The following SDC1 variants were observed in gnomAD, a reference collection of about 807,000 sequenced individuals.
SDC1 encodes the protein syndecan 1.
Under a neutral mutation model 29.7 loss-of-function variants are expected in SDC1, and 14 were observed. The ratio of observed to expected loss-of-function variants is 0.47; its 90% CI spans 0.31 to 0.74. The LOEUF is 0.74. Ranked by LOEUF, SDC1 falls within the 30% of genes least tolerant of loss-of-function variation. SDC1 has a pLI of 0.05. For missense variants in SDC1, 406 were observed against 400.3 expected, an observed-to-expected ratio of 1.01 and a Z score of -0.12; for synonymous variants, 204 against 175.5, an observed-to-expected ratio of 1.16 and a Z score of -1.29.
chr2:20,213,630 T>C (rs1375504929), intron 1 of SDC1, among the ~76,000 whole-genome samples: 1 of 152,108 alleles, frequency 6.6e-6, no homozygotes, highest in East Asian at 1.9e-4. Context: ...CTGTCTGCCC[T>C]AAAGAGCCCA....
In SDC1 at chr2:20,202,404, A is replaced by T; in HGVS notation, c.*362T>A. ...CCAAGCCCCACCCGCAGGATCTTCCAGCCACATGAGGCCATTTAGGTCCAA... is the reference window on the plus strand; with the variant it reads ...CCAAGCCCCACCCGCAGGATCTTCCTGCCACATGAGGCCATTTAGGTCCAA... On this transcript the variant is annotated 3_prime_UTR_variant, in exon 5 of 5. Coordinates refer to ENST00000254351, the MANE Select transcript of SDC1 (RefSeq NM_002997.5). The T allele has an allele frequency of 1.5e-6, 1 of 684,400 alleles. No homozygotes were observed. The allele number at this position is 684,400 out of a possible 1,614,324, so 42.4% of individuals were successfully genotyped here. A position where few individuals can be genotyped will look rare whatever the true frequency, so the allele number is the denominator to read the frequency against.
chr2:20,216,686 T>C (rs912554834), intron 1 of SDC1, among the ~76,000 whole-genome samples: 1 of 152,136 alleles, frequency 6.6e-6, no homozygotes, highest in Admixed American at 6.6e-5. Context: ...CTGGTATTGG[T>C]AGCATGGGAA....
chr2:20,208,189 C>A, intron 1 of SDC1: 1 of 910,080 alleles, frequency 1.1e-6, no homozygotes, highest in African/African-American at 1.8e-5. Flanking sequence ...CTGGGAGACA[C>A]CGCCCAGTGA....
intron 1 of SDC1, among the ~76,000 whole-genome samples, chr2:20,222,460 G>C (rs772676225): frequency 2.6e-4 from 40 of 152,184 alleles, no homozygotes; most frequent in Non-Finnish European, 5.6e-4. Flanking sequence ...CTGGGAAAGA[G>C]AAAACAAACT....
At chr2:20,209,877 C>T (rs3821220) in intron 1 of SDC1, among the ~76,000 whole-genome samples, 2 of 152,076 alleles carry the variant, frequency 1.3e-5, no homozygotes, top group South Asian at 4.1e-4. Context: ...CAGACAGGTT[C>T]GACGGGGGGC....
intron 1 of SDC1, among the ~76,000 whole-genome samples, chr2:20,210,569 T>C (rs1052662029): frequency 3.3e-5 from 5 of 152,246 alleles, no homozygotes; most frequent in Non-Finnish European, 7.3e-5. Context: ...TCATTCGTGG[T>C]GGAGCAGGAA....
chr2:20,224,076 C>A lies in SDC1; in HGVS notation c.66+726G>T. 1 of 321,860 alleles carries A rather than the reference C, an allele frequency of 3.1e-6. No homozygotes were observed. The highest frequency in any genetic ancestry group is 6.4e-6 in the Non-Finnish European group (1 of 157,140). The allele number at this position is 321,860 out of a possible 1,614,324, so 19.9% of individuals were successfully genotyped here. The stretch of plus-strand genomic sequence containing the variant: ...GCCTCGGCCGTGCCCGGCACGGGAA[C>A]GCGCCCTCCGGGGCCAGCTCAACTT... On this transcript the variant is annotated intron_variant, in intron 1 of 4. Coordinates refer to ENST00000254351, the MANE Select transcript of SDC1 (RefSeq NM_002997.5). The surrounding 1 kb of genome is among the most constrained non-coding windows in gnomAD (Gnocchi z 4.9).
At chr2:20,214,256 G>C (rs367819331) in intron 1 of SDC1, among the ~76,000 whole-genome samples, 41 of 152,308 alleles carry the variant, frequency 2.7e-4, no homozygotes, top group African/African-American at 9.1e-4. Context: ...CCCACGTACA[G>C]AACAATGGGC....
intron 1 of SDC1, among the ~76,000 whole-genome samples, chr2:20,206,609 G>A (rs529842011): frequency 1.2e-3 from 186 of 152,234 alleles, no homozygotes; most frequent in South Asian, 2.7e-3. Context: ...ATCTTGAGAG[G>A]GCCCCAATGT....
intron 1 of SDC1, among the ~76,000 whole-genome samples, chr2:20,223,644 G>A (rs1647508056): frequency 1.3e-5 from 2 of 152,216 alleles, no homozygotes; most frequent in Admixed American, 6.5e-5. Context: ...CGGGCACCGG[G>A]CGGCCCGCGC....
chr2:20,218,925 C>G (rs1263151519), intron 1 of SDC1, among the ~76,000 whole-genome samples: 1 of 152,104 alleles, frequency 6.6e-6, no homozygotes, highest in Non-Finnish European at 1.5e-5. Context: ...CCAGAGGAGG[C>G]CCATCCTCTA....
intron 1 of SDC1, among the ~76,000 whole-genome samples, chr2:20,216,921 G>A (rs1677644090): frequency 6.6e-6 from 1 of 152,222 alleles, no homozygotes; most frequent in South Asian, 2.1e-4. Flanking sequence ...GAGCCAGGCA[G>A]CCCCACGTGG....
In SDC1 at chr2:20,202,777, A is replaced by T; in HGVS notation, c.922T>A (p.Phe308Ile). 1.2e-6 allele frequency: 2 copies of T among 1,608,434 alleles called. No individual in the cohort carries two copies. The highest frequency in any genetic ancestry group is 1.7e-6 in the Non-Finnish European group (2 of 1,177,372). ...GCATGGCTCCCGCGTCAGGCATAGA[A>T]TTCCTCCTGTTTGGTGGGCTTCTGG... is the stretch of plus-strand genomic sequence containing the variant. ...AYQKPTKQEEFYA is the reference protein window; with the variant it reads ...AYQKPTKQEEIYA The change falls in exon 5 of 5, where the codon TTC (phenylalanine) becomes ATC (isoleucine). Residue 308 changes from phenylalanine to isoleucine, a missense_variant. Phe to Ile is a conservative substitution (Grantham distance 21). Coordinates refer to ENST00000254351, the MANE Select transcript of SDC1 (RefSeq NM_002997.5).
rs1676996120 is a variant in SDC1 at position 20,201,187 on chromosome 2, G to A, written c.*1579C>T. ...CACCTCCGCTGTGACCACAGCCTCAGGTCAAGCTGTGCTGGGGCCATCCAC... is the reference window on the plus strand; with the variant it reads ...CACCTCCGCTGTGACCACAGCCTCAAGTCAAGCTGTGCTGGGGCCATCCAC... On this transcript the variant is annotated 3_prime_UTR_variant, in exon 5 of 5. Transcript: ENST00000254351. The A allele has an allele frequency of 6.6e-6, 1 of 152,284 alleles. No individual in the cohort carries two copies. The highest frequency in any genetic ancestry group is 6.5e-5 in the Admixed American group (1 of 15,286). 9.4% of individuals were successfully genotyped at this position (152,284 alleles called of 1,614,324 possible).
chr2:20,225,245 G>T (rs1239817011), upstream of SDC1: 1 of 156,682 alleles, frequency 6.4e-6, no homozygotes, highest in African/African-American at 2.6e-5. Context: ...CCCCCGGCCC[G>T]CTCCTAAGGT....
chr2:20,202,510 C>A lies in SDC1; in HGVS notation c.*256G>T. 1 of 587,650 alleles carries A rather than the reference C, an allele frequency of 1.7e-6. No homozygotes were observed. The highest frequency in any genetic ancestry group is 3.0e-6 in the Non-Finnish European group (1 of 331,688). The allele number at this position is 587,650 out of a possible 1,614,324, so 36.4% of individuals were successfully genotyped here. ...TTGGAGAAACCGAGTCAGAATGGTG[C>A]GATGCCAGGTGCTGGCTGTGGTGGA... On this transcript the variant is annotated 3_prime_UTR_variant, in exon 5 of 5. Transcript: ENST00000254351.
intron 1 of SDC1, among the ~76,000 whole-genome samples, chr2:20,215,445 T>C (rs1391376291): frequency 1.3e-5 from 2 of 152,246 alleles, no homozygotes; most frequent in Non-Finnish European, 2.9e-5. Context: ...CTCATGTTTC[T>C]GAGAAGGGCA....
chr2:20,207,393 C>A, intron 1 of SDC1: 1 of 985,096 alleles, frequency 1.0e-6, no homozygotes, highest in Non-Finnish European at 1.2e-6. Context: ...AATGAACAGT[C>A]ACAGTCCACC....
intron 1 of SDC1, chr2:20,208,045 C>A (rs999592696): frequency 2.0e-4 from 199 of 985,286 alleles, no homozygotes; most frequent in Admixed American, 3.1e-4. Flanking sequence ...GCACTTCGAC[C>A]CCACGAGCCT....
Sources: allele counts gnomAD v4.1 joint callset (sites outside exome capture counted in the v4.1 genomes callset), GRCh38; gene constraint gnomAD v4.1.1; non-coding constraint Gnocchi (gnomAD v3.1); transcripts MANE v1.5; gene names NCBI Gene and HGNC (gene_info 2026-07-23, HGNC 2026-07-21).